PALM2AKAP2: variants seen among roughly 807,000 people sequenced by gnomAD.
The protein encoded by PALM2AKAP2 is PALM2 and AKAP2 fusion.
Under a neutral mutation model 71.5 loss-of-function variants are expected in PALM2AKAP2, and 37 were observed. The observed-to-expected ratio is 0.52, with a 90% CI of 0.40 to 0.68. PALM2AKAP2 has a LOEUF of 0.68. Ranked by LOEUF, PALM2AKAP2 falls within the 30% of genes least tolerant of loss-of-function variation. PALM2AKAP2 has a pLI of 0.00. For synonymous variants in PALM2AKAP2, 468 were observed against 478.8 expected, an observed-to-expected ratio of 0.98 and a Z score of 0.29; for missense variants, 1,224 against 1,191.8, an observed-to-expected ratio of 1.03 and a Z score of -0.40.
chr9:109,788,315 T>C (rs1827020272), intron 1 of PALM2AKAP2, among the ~76,000 whole-genome samples: 1 of 152,238 alleles, frequency 6.6e-6, no homozygotes, highest in Non-Finnish European at 1.5e-5. Context: ...TGATTTATTA[T>C]TAGCCTCAAG....
At chr9:110,028,364 GC>G (rs1833218443) in intron 7 of PALM2AKAP2, among the ~76,000 whole-genome samples, 1 of 152,160 alleles carries the variant, frequency 6.6e-6, no homozygotes, top group Non-Finnish European at 1.5e-5. Context: ...CTTCTTCTTT[GC>G]CGTTTTATTT....
chr9:110,044,821 C>T (rs1459417569), upstream of PALM2AKAP2, among the ~76,000 whole-genome samples: 1 of 152,098 alleles, frequency 6.6e-6, no homozygotes, highest in African/African-American at 2.4e-5. Flanking sequence ...TTGCCCCCAC[C>T]TTCTGGTTTT....
chr9:109,738,059 T>C (rs1188061088), intron 1 of PALM2AKAP2, among the ~76,000 whole-genome samples: 1 of 152,190 alleles, frequency 6.6e-6, no homozygotes, highest in Non-Finnish European at 1.5e-5. Flanking sequence ...GTGTTCCTGG[T>C]ACCAATATTG....
intron 1 of PALM2AKAP2, among the ~76,000 whole-genome samples, chr9:109,774,292 C>A (rs1478910147): frequency 2.6e-5 from 4 of 152,144 alleles, no homozygotes; most frequent in African/African-American, 9.7e-5. Flanking sequence ...TAGAACCTGG[C>A]CTTCCCAAAG....
chr9:110,050,905 G>A (rs1415239889), intron 1 of PALM2AKAP2, among the ~76,000 whole-genome samples: 1 of 152,204 alleles, frequency 6.6e-6, no homozygotes, highest in Non-Finnish European at 1.5e-5. Context: ...TGGGATTACA[G>A]GCATGAGCCA....
chr9:110,019,009 A>C (rs1000370215), intron 7 of PALM2AKAP2, among the ~76,000 whole-genome samples: 5 of 152,180 alleles, frequency 3.3e-5, no homozygotes, highest in Non-Finnish European at 5.9e-5. Context: ...TGGGAGGCCA[A>C]GGTGGGTGGA....
intron 1 of PALM2AKAP2, among the ~76,000 whole-genome samples, chr9:109,748,349 C>T (rs1197947578): frequency 1.3e-5 from 2 of 152,048 alleles, no homozygotes; most frequent in Admixed American, 1.3e-4. Context: ...CAAAAGGACA[C>T]TAGGGTTTGC....
chr9:110,092,146 A>G (rs1834729052), intron 1 of PALM2AKAP2, among the ~76,000 whole-genome samples: 1 of 152,196 alleles, frequency 6.6e-6, no homozygotes, highest in South Asian at 2.1e-4. Context: ...AGCCTGGCCA[A>G]CATAGTGAAA....
intron 3 of PALM2AKAP2, among the ~76,000 whole-genome samples, chr9:109,900,947 T>G (rs1830319730): frequency 6.6e-6 from 1 of 152,204 alleles, no homozygotes; most frequent in African/African-American, 2.4e-5. Flanking sequence ...GTAAATCAAA[T>G]TCAGTATGTC....
At chr9:109,744,082 G>A (rs536912288) in intron 1 of PALM2AKAP2, among the ~76,000 whole-genome samples, 1 of 152,240 alleles carries the variant, frequency 6.6e-6, no homozygotes, top group East Asian at 1.9e-4. Flanking sequence ...CTCAAGAGCA[G>A]AATTAAAATT....
chr9:109,866,273 G>A (rs1244516074), intron 1 of PALM2AKAP2, among the ~76,000 whole-genome samples: 2 of 152,116 alleles, frequency 1.3e-5, no homozygotes, highest in Admixed American at 6.5e-5. Context: ...CCAGGCTTCC[G>A]CATTGTTGTT....
At chr9:109,884,117 A>G (rs1406075305) in intron 3 of PALM2AKAP2, among the ~76,000 whole-genome samples, 1 of 152,232 alleles carries the variant, frequency 6.6e-6, no homozygotes, top group South Asian at 2.1e-4. Flanking sequence ...AACTGCAAGC[A>G]TTCAGGAAAA....
At chr9:109,704,191 C>A (rs1587874821) in intron 1 of PALM2AKAP2, among the ~76,000 whole-genome samples, 1 of 152,152 alleles carries the variant, frequency 6.6e-6, no homozygotes, top group South Asian at 2.1e-4. Context: ...CTTCTTCAGG[C>A]CGGATATTTA....
chr9:109,974,108 A>G (rs1191248487), intron 6 of PALM2AKAP2, among the ~76,000 whole-genome samples: 1 of 152,212 alleles, frequency 6.6e-6, no homozygotes, highest in African/African-American at 2.4e-5. Flanking sequence ...GAGTCCATGG[A>G]GAGAGCATGC....
chr9:109,769,109 G>T (rs60041056), intron 1 of PALM2AKAP2, among the ~76,000 whole-genome samples: 3 of 150,604 alleles, frequency 2.0e-5, no homozygotes, highest in Admixed American at 6.6e-5. Context: ...CATAAAAATA[G>T]TAGTTTTTAC....
rs886197064 is a variant in PALM2AKAP2 at position 110,048,819 on chromosome 9, A to G, written c.120A>G (p.Glu40=). 31 of 1,528,232 alleles carry G rather than the reference A, an allele frequency of 2.0e-5. No individual in the cohort carries two copies. In the African/African-American group the frequency reaches 3.1e-4, roughly 15 times the overall value. 94.7% of individuals were successfully genotyped at this position (1,528,232 alleles called of 1,614,324 possible). A position where few individuals can be genotyped will look rare whatever the true frequency, so the allele number is the denominator to read the frequency against. Reference sequence around the variant, plus strand: ...CCGCGCGGCGCTGGACTGGAGCAGAACCCCAGGACTGCGCCCCCGGGAGCG... The same window carrying G: ...CCGCGCGGCGCTGGACTGGAGCAGAGCCCCAGGACTGCGCCCCCGGGAGCG... The change falls in exon 1 of 4, where the codon GAA becomes GAG. Residue 40 remains glutamate (E), a synonymous_variant. Coordinates refer to ENST00000374525, the Ensembl canonical transcript of PALM2AKAP2.
At chr9:109,648,529 A>T (rs548109972) in intron 1 of PALM2AKAP2, among the ~76,000 whole-genome samples, 2 of 152,298 alleles carry the variant, frequency 1.3e-5, no homozygotes, top group East Asian at 3.9e-4. Context: ...AATAAATGTT[A>T]AAAAAATTAA....
chr9:109,867,352 C>A, intron 1 of PALM2AKAP2, 139 bp from the exon 2 acceptor site: 1 of 874,948 alleles, frequency 1.1e-6, no homozygotes, highest in Non-Finnish European at 1.8e-6. Flanking sequence ...GACGGTGGGG[C>A]AGGTGACACT....
At chr9:110,062,818 A>G (rs1833991667) in intron 1 of PALM2AKAP2, among the ~76,000 whole-genome samples, 1 of 152,218 alleles carries the variant, frequency 6.6e-6, no homozygotes, top group Non-Finnish European at 1.5e-5. Flanking sequence ...CAAAGGGAAA[A>G]GTCAAGCTGA....
Sources: allele counts gnomAD v4.1 joint callset (sites outside exome capture counted in the v4.1 genomes callset), GRCh38; gene constraint gnomAD v4.1.1; transcripts MANE v1.5; gene names NCBI Gene and HGNC (gene_info 2026-07-23, HGNC 2026-07-21).